Variants in C4orf51 observed in about 807,000 individuals in gnomAD.
The protein encoded by C4orf51 is uncharacterized protein C4orf51.
C4orf51 carries 25 observed loss-of-function variants against 25.2 expected under a neutral mutation model. The observed-to-expected ratio is 0.99, with a 90% CI of 0.72 to 1.39. The LOEUF is 1.39. Among genes scored for constraint, C4orf51 ranks in the 40% most tolerant of loss-of-function variants. The pLI is 0.00. For synonymous variants in C4orf51, 100 were observed against 84.5 expected, an observed-to-expected ratio of 1.18 and a Z score of -1.01; for missense variants, 252 against 239.6, an observed-to-expected ratio of 1.05 and a Z score of -0.34.
the C4orf51 span, chr4:145,779,374 C>T: frequency 1.2e-6 from 2 of 1,613,924 alleles, no homozygotes; most frequent in South Asian, 1.1e-5. Flanking sequence ...ACTCACTCAC[C>T]TGTGTGCAGC....
chr4:145,724,723 A>C (rs1008485943), intron 2 of C4orf51, among the ~76,000 whole-genome samples: 1 of 151,854 alleles, frequency 6.6e-6, no homozygotes, highest in Non-Finnish European at 1.5e-5. Flanking sequence ...TTCTATGACA[A>C]ATTTTTAAAA....
At chr4:145,767,922 T>A (rs1424979191) in intron 1 of C4orf51, among the ~76,000 whole-genome samples, 1 of 152,154 alleles carries the variant, frequency 6.6e-6, no homozygotes, top group African/African-American at 2.4e-5. Context: ...ATGAAGAGGC[T>A]GGAAATAATA....
At chr4:145,759,980 C>T (rs150798873) in intron 1 of C4orf51, 1 of 151,590 alleles carries the variant, frequency 6.6e-6, no homozygotes, top group Non-Finnish European at 1.5e-5. Flanking sequence ...GGCACACACA[C>T]AAAACACACT....
the C4orf51 span, among the ~76,000 whole-genome samples, chr4:145,788,062 G>C: frequency 2.0e-5 from 3 of 152,186 alleles, no homozygotes; most frequent in African/African-American, 7.2e-5. Context: ...AGCAGAGACA[G>C]ACCCACAGTC....
rs372579966 is a variant in C4orf51, at chr4:145,710,129, G to A, written c.307+13497G>A. ...AACAGCAGAATGTATTTGAGTCATG[G>A]CACCAAAGTATGTTACCAGCAGCGA... On this transcript the variant is annotated intron_variant, in intron 2 of 5. Transcript: ENST00000438731. Among the ~76,000 whole-genome samples the A allele has an allele frequency of 1.2e-4, 18 of 152,286 alleles. No homozygotes were observed. The East Asian group carries it at 1.9e-3, about 16-fold the overall frequency.
intron 3 of C4orf51, 110 bp downstream of exon 3, chr4:145,727,079 A>G (rs1578997419): frequency 1.2e-6 from 1 of 817,274 alleles, no homozygotes; most frequent in South Asian, 1.8e-5. Flanking sequence ...AAAAAACAAT[A>G]TTCACCAAAC....
intron 2 of C4orf51, among the ~76,000 whole-genome samples, chr4:145,706,468 A>G (rs948293645): frequency 2.0e-5 from 3 of 152,220 alleles, no homozygotes; most frequent in East Asian, 1.9e-4. Flanking sequence ...TACTCACCAC[A>G]GGCCAGGAAC....
At chr4:145,740,479 A>G (rs1212103531) in intron 1 of C4orf51, among the ~76,000 whole-genome samples, 1 of 152,214 alleles carries the variant, frequency 6.6e-6, no homozygotes, top group African/African-American at 2.4e-5. Flanking sequence ...TCTATACATT[A>G]TATAAATACC....
At chr4:145,789,357 C>T in the C4orf51 span, among the ~76,000 whole-genome samples, 2 of 152,084 alleles carry the variant, frequency 1.3e-5, no homozygotes, top group Non-Finnish European at 2.9e-5. Flanking sequence ...GGCAGTTTAT[C>T]TCCATTATGC....
In C4orf51 at chr4:145,761,622, GAGGTTCAGCCGGGA is replaced by G; in HGVS notation, n.167-9359_167-9346del. On this transcript the variant is annotated intron_variant and non_coding_transcript_variant, in intron 1 of 1. Transcript: ENST00000510096. The surrounding 1 kb of genome is among the most constrained non-coding windows in gnomAD (Gnocchi z 6.8). ...ACCTGCCGGGGAAAGCAACGCAAGG[GAGGTTCAGCCGGGA>G]AGGTTCGGAGGCAGCCGCGCTTCTC... 2 of 1,226,310 alleles carry G rather than the reference GAGGTTCAGCCGGGA, an allele frequency of 1.6e-6. No individual in the cohort carries two copies. Among genetic ancestry groups the G allele is most frequent in the Non-Finnish European group, 2.1e-6 (2 of 948,056 alleles). The allele number at this position is 1,226,310 out of a possible 1,614,324, so 76.0% of individuals were successfully genotyped here.
chr4:145,725,071 T>G (rs573100066), intron 2 of C4orf51, among the ~76,000 whole-genome samples: 152 of 151,770 alleles, frequency 1.0e-3, no homozygotes, highest in African/African-American at 3.6e-3. Context: ...AAGACTACAC[T>G]TGGGTACAGT....
intron 2 of C4orf51, among the ~76,000 whole-genome samples, chr4:145,712,199 C>T (rs1278644931): frequency 6.6e-6 from 1 of 152,126 alleles, no homozygotes; most frequent in Non-Finnish European, 1.5e-5. Flanking sequence ...AATTAATAAC[C>T]CTACAATGGC....
intron 2 of C4orf51, among the ~76,000 whole-genome samples, chr4:145,711,902 C>T (rs748913500): frequency 6.6e-6 from 1 of 152,040 alleles, no homozygotes; most frequent in Non-Finnish European, 1.5e-5. Flanking sequence ...TCTATTGCTG[C>T]CATTTTTCCA....
intron 2 of C4orf51, among the ~76,000 whole-genome samples, chr4:145,707,979 A>G (rs1390752308): frequency 6.6e-6 from 1 of 152,240 alleles, no homozygotes; most frequent in East Asian, 1.9e-4. Flanking sequence ...CCCTTGAAGC[A>G]GTCTCATTTC....
intron 1 of C4orf51, among the ~76,000 whole-genome samples, chr4:145,751,499 G>T (rs960049529): frequency 2.6e-5 from 4 of 152,158 alleles, no homozygotes; most frequent in Non-Finnish European, 1.5e-5. Flanking sequence ...GAGTCTCTGT[G>T]TGTGTTCTGA....
At chr4:145,717,135 C>T (rs1259858867) in intron 2 of C4orf51, among the ~76,000 whole-genome samples, 1 of 152,084 alleles carries the variant, frequency 6.6e-6, no homozygotes, top group Non-Finnish European at 1.5e-5. Flanking sequence ...TTGCTAATCA[C>T]CTGTGGCCTG....
the C4orf51 span, among the ~76,000 whole-genome samples, chr4:145,777,051 G>T: frequency 6.6e-6 from 1 of 152,170 alleles, no homozygotes; most frequent in Admixed American, 6.5e-5. Context: ...GTATTACTGT[G>T]CCTGGCTTAA....
At position 145,684,440 on chromosome 4, in the gene C4orf51, C is replaced by T. The variant is rs1337520226; in HGVS notation, c.233+4004C>T. 2.6e-5 allele frequency among the ~76,000 whole-genome samples: 4 copies of T among 152,094 alleles called. No individual in the cohort carries two copies. The East Asian group carries it at 5.8e-4, about 22-fold the overall frequency. The stretch of plus-strand genomic sequence containing the variant: ...GAGCTTGCAGTGAGCCAAGATCATG[C>T]CACTGCACTCCAGCCTGGGTGACAG... On this transcript the variant is annotated intron_variant, in intron 1 of 5. Transcript: ENST00000438731.
At chr4:145,725,927 A>G (rs1465389122) in intron 2 of C4orf51, among the ~76,000 whole-genome samples, 1 of 152,220 alleles carries the variant, frequency 6.6e-6, no homozygotes, top group Non-Finnish European at 1.5e-5. Flanking sequence ...TTCAAGGTTT[A>G]TAAGTTATAT....
Sources: gnomAD v4.1 joint callset for allele counts (sites outside exome capture counted in the v4.1 genomes callset) on GRCh38, gnomAD v4.1.1 for gene constraint, Gnocchi (gnomAD v3.1) non-coding constraint, MANE v1.5 for transcripts, NCBI Gene and HGNC (gene_info 2026-07-23, HGNC 2026-07-21) for gene names.